EPHA6: variants seen among roughly 807,000 people sequenced by gnomAD.
EPHA6 encodes EPH receptor A6.
EPHA6 carries 50 observed loss-of-function variants against 112.0 expected under a neutral mutation model. That is an observed-to-expected ratio of 0.45 (90% confidence interval 0.36 to 0.56). The LOEUF (loss-of-function observed/expected upper bound fraction) is 0.56. Ranked by LOEUF, EPHA6 falls within the 20% of genes least tolerant of loss-of-function variation. The pLI is 0.00. For synonymous variants in EPHA6, 529 were observed against 490.7 expected (o/e 1.08, Z -1.03); for missense variants, 1,280 against 1,417.4 (o/e 0.90, Z 1.56).
intron 15 of EPHA6, among the ~76,000 whole-genome samples, chr3:97,723,156 G>T (rs377065663): frequency 6.6e-6 from 1 of 152,216 alleles, no homozygotes; most frequent in East Asian, 1.9e-4. Context: ...CTGCAGAGGT[G>T]CCAAGAATTA....
intron 13 of EPHA6, among the ~76,000 whole-genome samples, chr3:97,616,831 G>T (rs1310293115): frequency 1.3e-5 from 2 of 152,090 alleles, no homozygotes; most frequent in Admixed American, 1.3e-4. Flanking sequence ...GAGATGGGGA[G>T]AATGGAACCA....
chr3:97,212,245 A>G (rs1376613096), intron 3 of EPHA6, among the ~76,000 whole-genome samples: 1 of 152,114 alleles, frequency 6.6e-6, no homozygotes, highest in Non-Finnish European at 1.5e-5. Context: ...CACTGAGCAC[A>G]TTTTTTAAAA....
intron 5 of EPHA6, among the ~76,000 whole-genome samples, chr3:97,365,128 A>G (rs2084642062): frequency 6.6e-6 from 1 of 152,212 alleles, no homozygotes; most frequent in African/African-American, 2.4e-5. Flanking sequence ...ATAATGATTC[A>G]AAAGGCAAAT....
At chr3:97,549,647 T>C (rs773327206) in intron 11 of EPHA6, among the ~76,000 whole-genome samples, 2 of 151,848 alleles carry the variant, frequency 1.3e-5, no homozygotes, top group Non-Finnish European at 2.9e-5. Flanking sequence ...TTGTTTACAA[T>C]GTTGAAATAA....
At chr3:97,211,254 A>G (rs753596711) in intron 3 of EPHA6, among the ~76,000 whole-genome samples, 2 of 152,188 alleles carry the variant, frequency 1.3e-5, no homozygotes, top group Non-Finnish European at 2.9e-5. Flanking sequence ...ACAGTACATT[A>G]TTTAATATTA....
chr3:97,172,451 C>T (rs748101539), intron 3 of EPHA6, among the ~76,000 whole-genome samples: 1 of 151,934 alleles, frequency 6.6e-6, no homozygotes, highest in Non-Finnish European at 1.5e-5. Context: ...ATAGATAGTT[C>T]AAGCAAAACT....
At chr3:97,246,033 T>A (rs2078978421) in intron 5 of EPHA6, among the ~76,000 whole-genome samples, 2 of 152,050 alleles carry the variant, frequency 1.3e-5, no homozygotes, top group Admixed American at 6.6e-5. Context: ...TCATTTAGCA[T>A]AGTTCCACAT....
At chr3:97,067,696 T>C (rs2108145695) in intron 3 of EPHA6, among the ~76,000 whole-genome samples, 1 of 151,540 alleles carries the variant, frequency 6.6e-6, no homozygotes, top group Non-Finnish European at 1.5e-5. Flanking sequence ...AGCAGAGGGG[T>C]AGAATGAGGA....
chr3:97,555,836 C>T, intron 11 of EPHA6, among the ~76,000 whole-genome samples: 1 of 152,084 alleles, frequency 6.6e-6, no homozygotes, highest in Non-Finnish European at 1.5e-5. Context: ...AGCCCTTTGT[C>T]AGACGAGTAG....
intron 3 of EPHA6, among the ~76,000 whole-genome samples, chr3:97,119,752 C>T (rs145614758): frequency 2.6e-5 from 4 of 152,028 alleles, no homozygotes; most frequent in African/African-American, 9.6e-5. Flanking sequence ...AATTGTTACT[C>T]ATGTTTTTGT....
intron 10 of EPHA6, among the ~76,000 whole-genome samples, chr3:97,518,253 T>C (rs780718924): frequency 3.3e-5 from 5 of 152,138 alleles, no homozygotes; most frequent in Non-Finnish European, 7.4e-5. Flanking sequence ...GAACATTTGT[T>C]ATCTTTTGTG....
At chr3:97,641,117 T>A (rs923296523) in intron 14 of EPHA6, among the ~76,000 whole-genome samples, 1 of 152,196 alleles carries the variant, frequency 6.6e-6, no homozygotes, top group South Asian at 2.1e-4. Flanking sequence ...CTATTAGAGA[T>A]GACCTGGCTA....
chr3:97,211,835 C>T (rs575004374), intron 3 of EPHA6, among the ~76,000 whole-genome samples: 2 of 152,194 alleles, frequency 1.3e-5, no homozygotes, highest in Non-Finnish European at 2.9e-5. Context: ...GAACTCAAAC[C>T]CATGTGATCT....
intron 3 of EPHA6, among the ~76,000 whole-genome samples, chr3:97,038,609 A>G (rs763458497): frequency 2.6e-5 from 4 of 152,078 alleles, no homozygotes; most frequent in Non-Finnish European, 5.9e-5. Context: ...CAGAGTTTTC[A>G]GGACTAAGCG....
At chr3:96,933,158 G>A (rs939277695) in intron 2 of EPHA6, among the ~76,000 whole-genome samples, 18 of 152,084 alleles carry the variant, frequency 1.2e-4, no homozygotes, top group East Asian at 3.9e-4. Context: ...GGTTTGTTTC[G>A]AAATTAGCCT....
chr3:97,452,718 G>A (rs1355571177), intron 7 of EPHA6, among the ~76,000 whole-genome samples: 1 of 151,520 alleles, frequency 6.6e-6, no homozygotes, highest in Admixed American at 6.6e-5. Flanking sequence ...ATTTTCTCAA[G>A]ATTAAAATAA....
chr3:97,346,073 G>T (rs189962053), intron 5 of EPHA6, among the ~76,000 whole-genome samples: 2 of 152,048 alleles, frequency 1.3e-5, no homozygotes, highest in Non-Finnish European at 2.9e-5. Flanking sequence ...TAACCAGCAA[G>T]GTTTCTGATA....
At chr3:97,555,544 C>A (rs1393547334) in intron 11 of EPHA6, among the ~76,000 whole-genome samples, 4 of 152,148 alleles carry the variant, frequency 2.6e-5, no homozygotes, top group Non-Finnish European at 4.4e-5. Flanking sequence ...ACAGTCCCAA[C>A]AGTGTAAAAG....
chr3:97,046,125 G>T (rs1248053299), intron 3 of EPHA6, among the ~76,000 whole-genome samples: 2 of 152,100 alleles, frequency 1.3e-5, no homozygotes, highest in South Asian at 2.1e-4. Flanking sequence ...CACAAGGGTA[G>T]TATAAAAAGG....
Sources: allele counts gnomAD v4.1 joint callset (sites outside exome capture counted in the v4.1 genomes callset), GRCh38; gene constraint gnomAD v4.1.1; transcripts MANE v1.5; gene names NCBI Gene and HGNC (gene_info 2026-07-23, HGNC 2026-07-21).